The following NEIL3 variants were observed in gnomAD, a reference collection of about 807,000 sequenced individuals.
NEIL3 encodes endonuclease 8-like 3.
Under a neutral mutation model 57.5 loss-of-function variants are expected in NEIL3, and 48 were observed. The observed-to-expected ratio is 0.83, with a 90% CI of 0.66 to 1.06. The LOEUF (loss-of-function observed/expected upper bound fraction) is 1.06. Among genes scored for constraint, NEIL3 ranks in the 50% least tolerant of loss-of-function variants. The probability of loss-of-function intolerance (pLI) is 0.00; values close to 1 mark genes in which losing one functional copy is unlikely to be tolerated. For synonymous variants in NEIL3, 261 were observed against 253.2 expected (o/e 1.03, Z -0.29); for missense variants, 717 against 739.1 (o/e 0.97, Z 0.35).
chr4:177,334,728 C>T (rs1449597924), intron 2 of NEIL3, among the ~76,000 whole-genome samples: 2 of 152,096 alleles, frequency 1.3e-5, no homozygotes, highest in Non-Finnish European at 2.9e-5. Flanking sequence ...ACTGGTTAAC[C>T]TTGTACAATA....
chr4:177,320,799 A>G (rs1225716914), intron 1 of NEIL3, among the ~76,000 whole-genome samples: 1 of 151,932 alleles, frequency 6.6e-6, no homozygotes, highest in Non-Finnish European at 1.5e-5. Context: ...TGTGCATTTA[A>G]TTTATCTGTC....
At chr4:177,350,385 A>G (rs1164826122) in intron 6 of NEIL3, among the ~76,000 whole-genome samples, 2 of 152,220 alleles carry the variant, frequency 1.3e-5, no homozygotes, top group African/African-American at 2.4e-5. Flanking sequence ...ACAGCCGTAT[A>G]AAGGCATTTT....
At chr4:177,354,047 T>C in intron 8 of NEIL3, 1 of 243,818 alleles carries the variant, frequency 4.1e-6, no homozygotes, top group Non-Finnish European at 7.9e-6. Context: ...ATTTACAGGC[T>C]TGAGCCACCA....
At chr4:177,339,928 A>C in intron 5 of NEIL3, 71 bp downstream of exon 5, 1 of 998,204 alleles carries the variant, frequency 1.0e-6, no homozygotes, top group Admixed American at 1.8e-5. Context: ...GCACCAAAAA[A>C]TGTGAAAGCT....
chr4:177,369,610 A>G, the NEIL3 span, among the ~76,000 whole-genome samples: 18,425 of 152,178 alleles, frequency 0.12, 1,266 homozygotes, highest in Middle Eastern at 0.22. Flanking sequence ...CAATCCTGCC[A>G]GTGGTGTGGG....
chr4:177,343,802 T>C (rs1560916915), intron 6 of NEIL3: 1 of 151,702 alleles, frequency 6.6e-6, no homozygotes. Context: ...ATTCATAATT[T>C]TTTTTTATGA....
chr4:177,337,623 A>C (rs959757377), intron 4 of NEIL3, among the ~76,000 whole-genome samples: 1 of 152,208 alleles, frequency 6.6e-6, no homozygotes, highest in African/African-American at 2.4e-5. Flanking sequence ...TGATGCACTG[A>C]GAATTTACTT....
intron 1 of NEIL3, 83 bp from the exon 2 acceptor site, chr4:177,322,376 A>G: frequency 6.4e-7 from 1 of 1,573,790 alleles, no homozygotes; most frequent in Non-Finnish European, 8.7e-7. Context: ...GAAGTAATAT[A>G]AACACATTTA....
At chr4:177,355,170 T>TA (rs1735447037) in intron 8 of NEIL3, among the ~76,000 whole-genome samples, 1 of 152,196 alleles carries the variant, frequency 6.6e-6, no homozygotes, top group African/African-American at 2.4e-5. Flanking sequence ...GCAGCTGACT[T>TA]ACATCCAGCA....
intron 9 of NEIL3, 123 bp from the exon 10 acceptor site, chr4:177,362,166 C>A (rs1264549896): frequency 1.8e-6 from 1 of 567,842 alleles, no homozygotes; most frequent in Non-Finnish European, 2.8e-6. Context: ...GTCTATTTTA[C>A]AATGTCAAAT....
chr4:177,340,381 T>A (rs1735068606), intron 5 of NEIL3, among the ~76,000 whole-genome samples: 1 of 152,232 alleles, frequency 6.6e-6, no homozygotes. Context: ...GACTTGTAAA[T>A]GTGGAAAGTT....
intron 1 of NEIL3, among the ~76,000 whole-genome samples, chr4:177,320,339 A>G (rs751800754): frequency 6.6e-6 from 1 of 152,034 alleles, no homozygotes; most frequent in Non-Finnish European, 1.5e-5. Context: ...ATAATTATTG[A>G]TAGGTACTAG....
downstream of NEIL3, among the ~76,000 whole-genome samples, chr4:177,364,148 A>T (rs1314715154): frequency 6.6e-6 from 1 of 152,092 alleles, no homozygotes; most frequent in Non-Finnish European, 1.5e-5. Flanking sequence ...TTTAAAAGAC[A>T]GCGTTCTTTC....
At position 177,315,133 on chromosome 4, in the gene NEIL3, G is replaced by A. The variant is rs1734551443; in HGVS notation, c.156+5024G>A. On this transcript the variant is annotated intron_variant, in intron 1 of 9. Coordinates refer to ENST00000264596, the MANE Select transcript of NEIL3 (RefSeq NM_018248.3). ...GGAAAAGTGTGTGAGGAAAAGAGGA[G>A]AGAGTATGAAAGTAAATATGGTATT... Among the ~76,000 whole-genome samples, 3 of 151,708 alleles carry A rather than the reference G, an allele frequency of 2.0e-5. No individual in the cohort carries two copies. In the South Asian group the frequency reaches 6.3e-4, roughly 32 times the overall value.
At chr4:177,322,105 A>G (rs1734696814) in intron 1 of NEIL3, among the ~76,000 whole-genome samples, 3 of 152,212 alleles carry the variant, frequency 2.0e-5, no homozygotes, top group Non-Finnish European at 4.4e-5. Context: ...TACTTCTGGA[A>G]ATGGAAGAAC....
intron 4 of NEIL3, among the ~76,000 whole-genome samples, chr4:177,338,233 A>G (rs930666531): frequency 6.6e-6 from 1 of 152,198 alleles, no homozygotes; most frequent in African/African-American, 2.4e-5. Flanking sequence ...TTTCAGGATG[A>G]CTATGTTGAT....
chr4:177,358,602 C>T (rs1006832284), intron 8 of NEIL3, among the ~76,000 whole-genome samples: 6 of 152,142 alleles, frequency 3.9e-5, no homozygotes, highest in African/African-American at 9.7e-5. Flanking sequence ...CCACCATGCC[C>T]AGCCTGTGGC....
chr4:177,320,233 T>C lies in NEIL3; in HGVS notation c.157-2226T>C, dbSNP rs117859710. Among the ~76,000 whole-genome samples the C allele has an allele frequency of 2.7e-4, 41 of 152,254 alleles. No individual in the cohort carries two copies. In the East Asian group the frequency reaches 7.9e-3, roughly 29 times the overall value. On this transcript the variant is annotated intron_variant, in intron 1 of 9. Transcript: ENST00000264596. ...AGAAAAGCATCAAGATTCTTGGTGT[T>C]TGTCAATTCAGGGCTCTAAAAGATT...
intron 2 of NEIL3, among the ~76,000 whole-genome samples, chr4:177,326,976 G>T (rs1734793473): frequency 6.6e-6 from 1 of 152,072 alleles, no homozygotes; most frequent in African/African-American, 2.4e-5. Context: ...AGGTGTGGGG[G>T]GGCATGTAAT....
Sources: gnomAD v4.1 joint callset for allele counts (sites outside exome capture counted in the v4.1 genomes callset) on GRCh38, gnomAD v4.1.1 for gene constraint, MANE v1.5 for transcripts, NCBI Gene and HGNC (gene_info 2026-07-23, HGNC 2026-07-21) for gene names.